The following AGL variants were observed in gnomAD, a reference collection of about 807,000 sequenced individuals.
AGL encodes amylo-alpha-1,6-glucosidase and 4-alpha-glucanotransferase.
AGL carries 128 observed loss-of-function variants against 199.3 expected under a neutral mutation model. That is an observed-to-expected ratio of 0.64 (90% CI 0.56 to 0.74). AGL has a LOEUF of 0.74. Ranked by LOEUF, AGL falls within the 30% of genes least tolerant of loss-of-function variation. The probability of loss-of-function intolerance (pLI) is 0.00; values close to 1 mark genes in which losing one functional copy is unlikely to be tolerated. For synonymous variants in AGL, 584 were observed against 594.7 expected (o/e 0.98, Z 0.26); for missense variants, 1,809 against 1,820.8 (o/e 0.99, Z 0.12).
At chr1:99,868,837 T>TTG (rs1553184330) in intron 5 of AGL, among the ~76,000 whole-genome samples, 2 of 151,354 alleles carry the variant, frequency 1.3e-5, no homozygotes, top group African/African-American at 4.9e-5. Flanking sequence ...TTTTTTTTTT[T>TTG]TTTTTGAGAC....
rs777738895 is a variant in AGL at position 99,884,693 on chromosome 1, C to G, written c.2671C>G (p.Pro891Ala). Residue 891 changes from proline (P) to alanine (A), a missense_variant, in exon 20 of 34, where the codon CCT becomes GCT. Physicochemically the swap from Pro to Ala is conservative, Grantham distance 27 (BLOSUM62 -1). Transcript: ENST00000361915. The stretch of plus-strand genomic sequence containing the variant: ...CAATGCAGATCCTATATTAAAAATT[C>G]CTTTTGCTTCGTAAGTATGCCTTGT... ...VDNADPILKI[P>A]FASLASRLTL... 1.2e-6 allele frequency: 2 copies of G among 1,613,838 alleles called. No individual in the cohort carries two copies. The highest frequency in any genetic ancestry group is 1.7e-6 in the Non-Finnish European group (2 of 1,179,880).
intron 33 of AGL, among the ~76,000 whole-genome samples, chr1:99,917,437 A>G (rs1486955087): frequency 6.6e-6 from 1 of 152,098 alleles, no homozygotes; most frequent in Admixed American, 6.6e-5. Flanking sequence ...CCATCCTTTT[A>G]AGCTATTTAT....
At chr1:99,914,550 G>C (rs927069424) in intron 30 of AGL, among the ~76,000 whole-genome samples, 1 of 152,222 alleles carries the variant, frequency 6.6e-6, no homozygotes, top group Non-Finnish European at 1.5e-5. Flanking sequence ...ATAGTAGAAT[G>C]AAAAGTGTAA....
chr1:99,905,953 G>GT (rs533584770), intron 27 of AGL, among the ~76,000 whole-genome samples: 3 of 151,442 alleles, frequency 2.0e-5, no homozygotes, highest in East Asian at 1.9e-4. Context: ...TTTACTATTG[G>GT]TTTTTTTTAT....
In AGL at chr1:99,916,265, T is replaced by C. The variant is rs371595824; in HGVS notation, c.4260-145T>C. 160 of 657,726 alleles carry C rather than the reference T, an allele frequency of 2.4e-4. 1 individual carries two copies. Among genetic ancestry groups the C allele is most frequent in the Non-Finnish European group, 3.9e-4 (149 of 378,128 alleles). 40.7% of individuals were successfully genotyped at this position (657,726 alleles called of 1,614,324 possible). On this transcript the variant is annotated intron_variant, in intron 31 of 33. Coordinates refer to ENST00000361915, the MANE Select transcript of AGL (RefSeq NM_000642.3). ...CAGTATGTACTAATTTAAGGTTAGA[T>C]GGATGATGTACTAATGCCGAGCTTA...
At chr1:99,915,313 T>G in intron 30 of AGL, 76 bp from the exon 31 acceptor site, 1 of 1,227,600 alleles carries the variant, frequency 8.1e-7, no homozygotes, top group Admixed American at 1.7e-5. Flanking sequence ...TTCAAGCTTA[T>G]GAATAGTTTC....
At position 99,916,661 on chromosome 1, in the gene AGL, C is replaced by T; in HGVS notation, c.4411C>T (p.Pro1471Ser). 2 of 1,612,688 alleles carry T rather than the reference C, an allele frequency of 1.2e-6. No homozygotes were observed. The highest frequency in any genetic ancestry group is 1.7e-6 in the Non-Finnish European group (2 of 1,179,278). ...AKLYFSRLMG[P>S]ETTAKTIVLV... ...ATTATATTTTTCCAGATTGATGGGCCCGGAGACTACTGCAAAGACTATAGT... is the reference window on the plus strand; with the variant it reads ...ATTATATTTTTCCAGATTGATGGGCTCGGAGACTACTGCAAAGACTATAGT... The change falls in exon 33 of 34, where the codon CCG (proline) becomes TCG (serine). Residue 1471 changes from proline to serine, a missense_variant. Physicochemically the swap from Pro to Ser is moderately conservative, Grantham distance 74. Transcript: ENST00000361915.
At chr1:99,888,244 G>GCCAAAGGTCAATT in intron 21 of AGL, 136 bp downstream of exon 21, 1 of 1,119,502 alleles carries the variant, frequency 8.9e-7, no homozygotes, top group Non-Finnish European at 1.3e-6. Context: ...CTCATTAATT[G>GCCAAAGGTCAATT]ACCTTTGGCA....
intron 29 of AGL, 61 bp downstream of exon 29, chr1:99,912,578 T>C (rs1654827520): frequency 5.0e-6 from 6 of 1,192,372 alleles, no homozygotes; most frequent in East Asian, 4.7e-5. Flanking sequence ...TCTCAACCTA[T>C]GTAATCATCA....
rs373822240 is a variant in AGL, at chr1:99,851,018, G to A, written c.-25G>A. 2.5e-6 allele frequency: 4 copies of A among 1,583,400 alleles called. No individual in the cohort carries two copies. The highest frequency in any genetic ancestry group is 3.5e-6 in the Non-Finnish European group (4 of 1,152,274). ...TGGAGTTCTTTTAATTCTTATGAAA[G>A]ATTTCAAATCCTCTAGAAGCCAAAA... On this transcript the variant is annotated 5_prime_UTR_variant, in exon 2 of 34. Coordinates refer to ENST00000361915, the MANE Select transcript of AGL (RefSeq NM_000642.3).
At chr1:99,897,692 A>G (rs183668059) in intron 25 of AGL, among the ~76,000 whole-genome samples, 17 of 152,344 alleles carry the variant, frequency 1.1e-4, no homozygotes, top group African/African-American at 4.1e-4. Context: ...AGCATTCAGC[A>G]TAGTATAGTG....
Position 99,896,309 on chromosome 1 carries a change from A to C in AGL, c.3283A>C (p.Ile1095Leu), listed in dbSNP as rs762157090. The change falls in exon 25 of 34, where the codon ATT becomes CTT. Residue 1095 changes from isoleucine (I) to leucine (L), a missense_variant. By Grantham distance (5) the Ile-to-Leu change is conservative. Transcript: ENST00000361915. ...AAGLPHFSSG[I>L]FRCWGRDTFI... ...AGGCTTACCTCATTTTTCTTCTGGT[A>C]TTTTCCGCTGCTGGGGAAGGGATAC... 5.6e-6 allele frequency: 9 copies of C among 1,613,772 alleles called. No homozygotes were observed. Among genetic ancestry groups the C allele is most frequent in the Non-Finnish European group, 7.6e-6 (9 of 1,179,920 alleles).
intron 28 of AGL, among the ~76,000 whole-genome samples, chr1:99,911,503 C>T (rs1269517875): frequency 6.6e-6 from 1 of 152,078 alleles, no homozygotes; most frequent in African/African-American, 2.4e-5. Context: ...AGTGCAGTAG[C>T]ACAATCATGG....
Position 99,892,608 on chromosome 1 carries a change from G to A in AGL, c.3259+1G>A, listed in dbSNP as rs1394576194. 1.2e-6 allele frequency: 2 copies of A among 1,612,764 alleles called. No homozygotes were observed. Among genetic ancestry groups the A allele is most frequent in the Non-Finnish European group, 1.7e-6 (2 of 1,179,218 alleles). ...CAATGTTGTGTTTCTCTAGCTGCAG[G>A]TAAGGAATTATGTACAAGGTTAAAA... On this transcript the variant is annotated splice_donor_variant, in intron 24 of 33. Transcript: ENST00000361915. LOFTEE classifies it high-confidence loss of function.
chr1:99,884,056 T>C (rs1652250399), intron 17 of AGL, 64 bp from the exon 18 acceptor site: 1 of 1,398,594 alleles, frequency 7.2e-7, no homozygotes, highest in Middle Eastern at 2.3e-4. Flanking sequence ...GAAACCACTT[T>C]AGCCTTCCTA....
In AGL at chr1:99,875,237, TTAAC is replaced by T. The variant is rs1057516741; in HGVS notation, c.1169_1172del (p.Asn390IlefsTer26). The T allele has an allele frequency of 1.2e-6, 2 of 1,613,916 alleles. No individual in the cohort carries two copies. Among genetic ancestry groups the T allele is most frequent in the African/African-American group, 1.3e-5 (1 of 74,928 alleles). Reference sequence around the variant, plus strand: ...TTAAATTCAGAGAAGCATCGACTCATTAACTATCATCAGGAACAGGTTTTACTTA... The same window carrying T: ...TTAAATTCAGAGAAGCATCGACTCATTATCATCAGGAACAGGTTTTACTTA... On this transcript the variant is annotated frameshift_variant, in exon 9 of 34. Coordinates refer to ENST00000361915, the MANE Select transcript of AGL (RefSeq NM_000642.3). LOFTEE classifies it high-confidence loss of function.
intron 2 of AGL, among the ~76,000 whole-genome samples, chr1:99,857,680 C>T (rs1355643052): frequency 1.3e-5 from 2 of 151,060 alleles, no homozygotes; most frequent in African/African-American, 4.9e-5. Flanking sequence ...GGCGTGGCGG[C>T]GCGCGCCTGC....
chr1:99,893,143 T>C (rs1653037671), intron 24 of AGL, among the ~76,000 whole-genome samples: 1 of 152,170 alleles, frequency 6.6e-6, no homozygotes, highest in African/African-American at 2.4e-5. Context: ...AGGCTTTTGT[T>C]TTCTTTTTAA....
intron 24 of AGL, among the ~76,000 whole-genome samples, chr1:99,893,764 G>A (rs1290934341): frequency 2.0e-5 from 3 of 152,168 alleles, no homozygotes; most frequent in African/African-American, 7.2e-5. Flanking sequence ...TTTGCTCCTA[G>A]CATCCCAAGG....
Sources: allele counts gnomAD v4.1 joint callset (sites outside exome capture counted in the v4.1 genomes callset), GRCh38; gene constraint gnomAD v4.1.1; transcripts MANE v1.5; gene names NCBI Gene and HGNC (gene_info 2026-07-23, HGNC 2026-07-21).